Variants in TP63 observed in about 807,000 individuals in gnomAD.
TP63 encodes tumor protein 63.
In TP63, 17 loss-of-function variants were observed where a neutral mutation model predicts 82.8. That is an observed-to-expected ratio of 0.21 (90% CI 0.14 to 0.31). The LOEUF (loss-of-function observed/expected upper bound fraction) is 0.31. Ranked by LOEUF, TP63 falls within the 10% of genes least tolerant of loss-of-function variation. The pLI is 1.00. For missense variants in TP63, 648 were observed against 895.3 expected (o/e 0.72, Z 3.52); for synonymous variants, 330 against 321.7 (o/e 1.03, Z -0.28).
intron 1 of TP63, among the ~76,000 whole-genome samples, chr3:189,669,376 G>A (rs570079055): frequency 3.3e-5 from 5 of 151,504 alleles, no homozygotes; most frequent in African/African-American, 9.7e-5. Flanking sequence ...AAAGAAAAAT[G>A]TTAAATAATT....
At chr3:189,860,833 G>T (rs1228852481) in intron 4 of TP63, among the ~76,000 whole-genome samples, 3 of 152,154 alleles carry the variant, frequency 2.0e-5, no homozygotes, top group Non-Finnish European at 4.4e-5. Flanking sequence ...AGTTGTTGTT[G>T]CTTGCTTGTT....
intron 1 of TP63, among the ~76,000 whole-genome samples, chr3:189,681,025 C>T (rs981020566): frequency 6.6e-6 from 1 of 152,142 alleles, no homozygotes; most frequent in Non-Finnish European, 1.5e-5. Flanking sequence ...ATCACACAGC[C>T]AGTATGTCTT....
At chr3:189,635,426 C>A (rs1330303858) in intron 1 of TP63, among the ~76,000 whole-genome samples, 2 of 152,072 alleles carry the variant, frequency 1.3e-5, no homozygotes, top group Non-Finnish European at 2.9e-5. Context: ...CACATCTGCT[C>A]TTTTTCTTTC....
chr3:189,728,239 T>C (rs1719911933), intron 1 of TP63, among the ~76,000 whole-genome samples: 1 of 151,742 alleles, frequency 6.6e-6, no homozygotes, highest in African/African-American at 2.4e-5. Flanking sequence ...CTTCTACGGA[T>C]CTGTCCAAAA....
intron 1 of TP63, among the ~76,000 whole-genome samples, chr3:189,646,753 A>G (rs1712453491): frequency 6.8e-6 from 1 of 147,212 alleles, no homozygotes; most frequent in Admixed American, 6.7e-5. Context: ...AACAAAGTCG[A>G]AAATAAAAGT....
intron 4 of TP63, among the ~76,000 whole-genome samples, chr3:189,824,271 C>T (rs1426539259): frequency 1.3e-5 from 2 of 151,856 alleles, no homozygotes; most frequent in Non-Finnish European, 2.9e-5. Context: ...GGCTGGAGTG[C>T]AGTGGCACAA....
chr3:189,708,336 G>A (rs1577278926), intron 1 of TP63, among the ~76,000 whole-genome samples: 1 of 152,132 alleles, frequency 6.6e-6, no homozygotes, highest in African/African-American at 2.4e-5. Flanking sequence ...CAGTTTCAAA[G>A]AAACCACAAT....
chr3:189,678,175 T>G (rs1715609507), intron 1 of TP63, among the ~76,000 whole-genome samples: 1 of 152,030 alleles, frequency 6.6e-6, no homozygotes, highest in African/African-American at 2.4e-5. Flanking sequence ...GTCAAGGCAC[T>G]GTCCCAAGTG....
intron 1 of TP63, among the ~76,000 whole-genome samples, chr3:189,664,338 A>T: frequency 6.6e-6 from 1 of 152,182 alleles, no homozygotes; most frequent in East Asian, 1.9e-4. Flanking sequence ...GGGCAGTACT[A>T]TGCTCAAAAT....
chr3:189,741,228 T>G (rs1035011741), intron 3 of TP63, among the ~76,000 whole-genome samples: 1 of 150,918 alleles, frequency 6.6e-6, no homozygotes, highest in Non-Finnish European at 1.5e-5. Context: ...CCCTGAGATA[T>G]TCCTAACAAC....
intron 1 of TP63, among the ~76,000 whole-genome samples, chr3:189,648,431 A>G (rs563962061): frequency 6.8e-6 from 1 of 147,346 alleles, no homozygotes; most frequent in Non-Finnish European, 1.5e-5. Flanking sequence ...CCAAGCACCT[A>G]GGCCACAGGC....
At chr3:189,782,208 G>A (rs1205125865) in intron 3 of TP63, among the ~76,000 whole-genome samples, 5 of 152,140 alleles carry the variant, frequency 3.3e-5, no homozygotes, top group East Asian at 3.8e-4. Context: ...ATCCCAGTGT[G>A]GAATCAGAAG....
At chr3:189,778,197 G>A (rs1279757185) in intron 3 of TP63, among the ~76,000 whole-genome samples, 3 of 152,084 alleles carry the variant, frequency 2.0e-5, no homozygotes, top group African/African-American at 7.2e-5. Flanking sequence ...TCTTATTGCA[G>A]GATAATGTAC....
At chr3:189,872,268 C>G (rs1718514353) in intron 9 of TP63, among the ~76,000 whole-genome samples, 1 of 151,610 alleles carries the variant, frequency 6.6e-6, no homozygotes, top group Admixed American at 6.6e-5. Flanking sequence ...CATTTCACAA[C>G]AGAATAATAT....
chr3:189,738,461 C>A (rs754151140), intron 2 of TP63, among the ~76,000 whole-genome samples, 181 bp from the exon 3 acceptor site: 5 of 152,158 alleles, frequency 3.3e-5, no homozygotes, highest in Non-Finnish European at 5.9e-5. Flanking sequence ...TGGATTTGAA[C>A]TGCTTGAAAT....
intron 1 of TP63, among the ~76,000 whole-genome samples, chr3:189,692,594 T>C (rs1455796152): frequency 6.6e-6 from 1 of 152,092 alleles, no homozygotes; most frequent in African/African-American, 2.4e-5. Context: ...TTCTACATTA[T>C]TTAATAACTA....
chr3:189,792,876 G>T (rs1257491488), intron 3 of TP63, among the ~76,000 whole-genome samples: 2 of 151,926 alleles, frequency 1.3e-5, no homozygotes, highest in African/African-American at 2.4e-5. Flanking sequence ...TGACTTCTTT[G>T]TCTGCTTGGT....
At chr3:189,752,244 G>A (rs1721874178) in intron 3 of TP63, among the ~76,000 whole-genome samples, 1 of 152,058 alleles carries the variant, frequency 6.6e-6, no homozygotes, top group African/African-American at 2.4e-5. Context: ...CATGATCTTG[G>A]CTCACTGCGG....
rs558439980 is a variant in TP63 at position 189,660,444 on chromosome 3, C to G, written c.62+28867C>G. Among the ~76,000 whole-genome samples, 11 of 152,130 alleles carry G rather than the reference C, an allele frequency of 7.2e-5. No homozygotes were observed. The South Asian group carries it at 1.5e-3, about 20-fold the overall frequency. On this transcript the variant is annotated intron_variant, in intron 1 of 13. Transcript: ENST00000264731. The stretch of plus-strand genomic sequence containing the variant: ...TACCAGTACCATGCTGTTTTTGTTA[C>G]TGTAGCATGCTGTTTTGGTCACTCT...
Sources: gnomAD v4.1 joint callset for allele counts (sites outside exome capture counted in the v4.1 genomes callset) on GRCh38, gnomAD v4.1.1 for gene constraint, MANE v1.5 for transcripts, NCBI Gene and HGNC (gene_info 2026-07-23, HGNC 2026-07-21) for gene names.